TMEM67: variants seen among roughly 807,000 people sequenced by gnomAD.
TMEM67 encodes the protein transmembrane protein 67, also known as meckelin.
In TMEM67, 124 loss-of-function variants were observed where a neutral mutation model predicts 136.6. That is an observed-to-expected ratio of 0.91 (90% CI 0.78 to 1.05). TMEM67 has a LOEUF of 1.05. TMEM67 is among the 50% of genes least tolerant of loss of function. TMEM67 has a pLI of 0.00. For missense variants in TMEM67, 1,107 were observed against 1,178.4 expected (o/e 0.94, Z 0.89); for synonymous variants, 364 against 390.5 (o/e 0.93, Z 0.80).
chr8:93,772,795 C>A, intron 7 of TMEM67, 144 bp downstream of exon 7: 1 of 627,806 alleles, frequency 1.6e-6, no homozygotes, highest in Non-Finnish European at 2.8e-6. Context: ...TTCTTGTGGG[C>A]TGAAAGAGAA....
intron 10 of TMEM67, among the ~76,000 whole-genome samples, chr8:93,782,150 G>A (rs1299125230): frequency 1.3e-5 from 2 of 152,222 alleles, no homozygotes; most frequent in African/African-American, 2.4e-5. Context: ...TCCTGACCTC[G>A]TGATCCGCCC....
intron 6 of TMEM67, among the ~76,000 whole-genome samples, chr8:93,770,501 C>T (rs1163865426): frequency 2.0e-5 from 3 of 152,212 alleles, no homozygotes; most frequent in Non-Finnish European, 4.4e-5. Context: ...GGATCTCACA[C>T]TGCAGTTAGT....
At chr8:93,757,612 G>C (rs1198100103) in intron 2 of TMEM67, among the ~76,000 whole-genome samples, 1 of 148,584 alleles carries the variant, frequency 6.7e-6, no homozygotes, top group East Asian at 2.0e-4. Flanking sequence ...CTCCAGCCTG[G>C]CAACAGAGCA....
rs786200867 is a variant in TMEM67 at position 93,808,957 on chromosome 8, G to T, written c.2556+1G>T. On this transcript the variant is annotated splice_donor_variant, in intron 24 of 27. Transcript: ENST00000453321. LOFTEE classifies it high-confidence loss of function. ...CAGAATTCATGAGACACTAATAAGG[G>T]TTTGTATAAAGTACAGTTCAGATAT... The T allele has an allele frequency of 6.3e-7, 1 of 1,579,408 alleles. No individual in the cohort carries two copies. The highest frequency in any genetic ancestry group is 8.7e-7 in the Non-Finnish European group (1 of 1,148,810).
At position 93,797,441 on chromosome 8, in the gene TMEM67, C is replaced by A; in HGVS notation, c.2071C>A (p.Gln691Lys). 1.2e-6 allele frequency: 2 copies of A among 1,613,878 alleles called. No homozygotes were observed. The highest frequency in any genetic ancestry group is 1.1e-5 in the South Asian group (1 of 91,052). ...TGTGAGAAAAATTAATTCACTCTTTCAAGTACTTACTGTCCTCTTCTTTTT... is the reference window on the plus strand; with the variant it reads ...TGTGAGAAAAATTAATTCACTCTTTAAAGTACTTACTGTCCTCTTCTTTTT... ...QTVRKINSLF[Q>K]VLTVLFFLEV... The change falls in exon 20 of 28, where the codon CAA becomes AAA. Residue 691 changes from glutamine (Q) to lysine (K), a missense_variant. By Grantham distance (53) the Gln-to-Lys change is moderately conservative. Around this residue, in one of 3 missense-constraint regions of TMEM67, gnomAD observed 925 missense variants for 1,002.4 expected, o/e 0.92. Coordinates refer to ENST00000453321, the MANE Select transcript of TMEM67 (RefSeq NM_153704.6).
Position 93,765,469 on chromosome 8 carries a change from C to T in TMEM67, c.570C>T (p.Asn190=), listed in dbSNP as rs1277782657. The T allele has an allele frequency of 6.2e-7, 1 of 1,611,808 alleles. No homozygotes were observed. The highest frequency in any genetic ancestry group is 8.5e-7 in the Non-Finnish European group (1 of 1,179,480). The stretch of plus-strand genomic sequence containing the variant: ...GGTCCTGTGCATGTTCAGAACCTAA[C>T]ATTTTAGTAAGGCTAACCAAATTGA... The part of the protein sequence containing the change: ...TSRSCACSEP[N]ILTGGLCFSS... Residue 190 remains asparagine (N), a synonymous_variant, in exon 5 of 28, where the codon AAC becomes AAT. Transcript: ENST00000453321.
chr8:93,756,344 T>G (rs2130531852), intron 2 of TMEM67: 1 of 152,388 alleles, frequency 6.6e-6, no homozygotes, highest in Non-Finnish European at 1.5e-5. Context: ...TTAAATAATG[T>G]CTGTTTCTGT....
intron 1 of TMEM67, 142 bp from the exon 2 acceptor site, chr8:93,755,636 A>G (rs1281459578): frequency 3.2e-6 from 2 of 634,900 alleles, no homozygotes; most frequent in South Asian, 2.1e-5. Flanking sequence ...GAACCCAGGC[A>G]GTACTGCCTC....
intron 20 of TMEM67, among the ~76,000 whole-genome samples, chr8:93,798,046 T>C (rs976749005): frequency 9.2e-5 from 14 of 152,102 alleles, no homozygotes; most frequent in Non-Finnish European, 5.9e-5. Context: ...AAAATCATCA[T>C]CACCATTCAT....
chr8:93,818,889 G>A (rs141344974), downstream of TMEM67: 2 of 334,666 alleles, frequency 6.0e-6, no homozygotes, highest in Non-Finnish European at 1.1e-5. Flanking sequence ...TCTAACCTCT[G>A]CCTCCTAGGC....
intron 16 of TMEM67, chr8:93,794,825 G>T (rs1814535030): frequency 6.2e-6 from 1 of 160,790 alleles, no homozygotes; most frequent in Admixed American, 5.9e-5. Flanking sequence ...TGTGCTCTCA[G>T]AAATCATGAG....
chr8:93,826,123 CTTTTTTTTT>C, the TMEM67 span, among the ~76,000 whole-genome samples: 9 of 52,380 alleles, frequency 1.7e-4, no homozygotes, highest in East Asian at 7.5e-4. Context: ...TTAATCATGT[CTTTTTTTTT>C]TTTTTTTTTT....
At chr8:93,811,770 C>T (rs1313529022) in intron 26 of TMEM67, among the ~76,000 whole-genome samples, 1 of 151,920 alleles carries the variant, frequency 6.6e-6, no homozygotes, top group Admixed American at 6.6e-5. Context: ...GATTTAGAAA[C>T]CACTGCTAGT....
chr8:93,755,338 T>C (rs1812521270), intron 1 of TMEM67, among the ~76,000 whole-genome samples: 1 of 152,232 alleles, frequency 6.6e-6, no homozygotes, highest in African/African-American at 2.4e-5. Flanking sequence ...TGTATATTGT[T>C]TAGTGACGTA....
chr8:93,771,990 T>A (rs1228710651), intron 6 of TMEM67, among the ~76,000 whole-genome samples: 1 of 152,246 alleles, frequency 6.6e-6, no homozygotes, highest in Non-Finnish European at 1.5e-5. Flanking sequence ...TTTAGCAAGA[T>A]GTACAGATAA....
chr8:93,787,778 T>C lies in TMEM67; in HGVS notation c.1413-66T>C, dbSNP rs1328622375. 4.1e-6 allele frequency: 5 copies of C among 1,205,490 alleles called. No individual in the cohort carries two copies. In the Admixed American group the frequency reaches 6.8e-5, roughly 16 times the overall value. 74.7% of individuals were successfully genotyped at this position (1,205,490 alleles called of 1,614,324 possible). A position where few individuals can be genotyped will look rare whatever the true frequency, so the allele number is the denominator to read the frequency against. ...TTCATATTAAATTCAAAAGAAATGG[T>C]AAGTTAAATGTATGTTTAAAGGCCC... On this transcript the variant is annotated intron_variant, in intron 13 of 27. Coordinates refer to ENST00000453321, the MANE Select transcript of TMEM67 (RefSeq NM_153704.6).
intron 27 of TMEM67, 141 bp downstream of exon 27, chr8:93,815,588 A>G (rs1586102046): frequency 2.6e-6 from 2 of 759,148 alleles, no homozygotes; most frequent in South Asian, 3.5e-5. Context: ...TAACCCCACC[A>G]AAAGAAGGAA....
chr8:93,797,988 A>AAAAC (rs1221600224), intron 20 of TMEM67, among the ~76,000 whole-genome samples: 2 of 152,238 alleles, frequency 1.3e-5, no homozygotes, highest in African/African-American at 2.4e-5. Flanking sequence ...ATCTCAGAAA[A>AAAAC]AAACAAACAA....
chr8:93,782,570 G>GTT, intron 11 of TMEM67, 110 bp downstream of exon 11: 5 of 661,590 alleles, frequency 7.6e-6, no homozygotes, highest in East Asian at 3.5e-5. Flanking sequence ...TTTTATTCTT[G>GTT]GTTTTTTTTT....
Sources: gnomAD v4.1 joint callset for allele counts (sites outside exome capture counted in the v4.1 genomes callset) on GRCh38, gnomAD v4.1.1 for gene constraint, gnomAD v4.1.1 regional missense constraint, MANE v1.5 for transcripts, NCBI Gene and HGNC (gene_info 2026-07-23, HGNC 2026-07-21) for gene names.